Variants in SP100 observed in about 807,000 individuals in gnomAD.
SP100 encodes the protein nuclear autoantigen Sp-100.
Under a neutral mutation model 130.0 loss-of-function variants are expected in SP100, and 84 were observed. That is an observed-to-expected ratio of 0.65 (90% CI 0.54 to 0.77). The LOEUF (loss-of-function observed/expected upper bound fraction) is 0.77. Ranked by LOEUF, SP100 falls within the 30% of genes least tolerant of loss-of-function variation. The pLI is 0.00. For missense variants in SP100, 978 were observed against 1,052.2 expected, an observed-to-expected ratio of 0.93 and a Z score of 0.97; for synonymous variants, 331 against 351.7, an observed-to-expected ratio of 0.94 and a Z score of 0.66.
intron 23 of SP100, chr2:230,510,840 A>T (rs1690536987): frequency 2.2e-6 from 1 of 461,544 alleles, no homozygotes; most frequent in South Asian, 2.3e-5. Flanking sequence ...TTGAAGTAGG[A>T]GGACCGATAG....
rs1235940212 is a variant in SP100, at chr2:230,449,553, T to C, written c.587-8T>C. On this transcript the variant is annotated splice_region_variant and splice_polypyrimidine_tract_variant and intron_variant, in intron 6 of 28. Transcript: ENST00000340126. ...AATAAAATACCTGTGAATCAAACCA[T>C]GGTTTAGGTACAACCCCACCTGAAA... 1 of 1,613,788 alleles carries C rather than the reference T, an allele frequency of 6.2e-7. No homozygotes were observed. The highest frequency in any genetic ancestry group is 8.5e-7 in the Non-Finnish European group (1 of 1,179,896).
In SP100 at chr2:230,504,436, A is replaced by T. The variant is rs1559524876; in HGVS notation, c.1870+146A>T. 12 of 564,980 alleles carry T rather than the reference A, an allele frequency of 2.1e-5. No individual in the cohort carries two copies. The South Asian group carries it at 3.7e-4, about 17-fold the overall frequency. 35.0% of individuals were successfully genotyped at this position (564,980 alleles called of 1,614,324 possible). ...GCTAGGAGCTTTCCTAGGACTTGGGACATCATCACATTTACAGCTAGGGTT... is the reference window on the plus strand; with the variant it reads ...GCTAGGAGCTTTCCTAGGACTTGGGTCATCATCACATTTACAGCTAGGGTT... On this transcript the variant is annotated intron_variant, in intron 21 of 28. Transcript: ENST00000340126.
intron 4 of SP100, 152 bp downstream of exon 4, chr2:230,444,498 A>T (rs1006469034): frequency 3.2e-6 from 2 of 626,310 alleles, no homozygotes; most frequent in Non-Finnish European, 2.7e-6. Context: ...CTCTTAGCTC[A>T]TGGCGTATGG....
At chr2:230,440,852 A>C (rs1288963207) in intron 2 of SP100, among the ~76,000 whole-genome samples, 1 of 152,168 alleles carries the variant, frequency 6.6e-6, no homozygotes, top group Non-Finnish European at 1.5e-5. Context: ...TAGAAAGTAC[A>C]TATATAAACC....
chr2:230,472,113 T>C (rs1013605266), intron 15 of SP100, among the ~76,000 whole-genome samples: 9 of 151,690 alleles, frequency 5.9e-5, no homozygotes, highest in African/African-American at 2.2e-4. Context: ...AAGACAAAGA[T>C]TGAAATTGCA....
chr2:230,506,217 G>A (rs1328721399), intron 21 of SP100, 86 bp from the exon 22 acceptor site: 2 of 1,451,392 alleles, frequency 1.4e-6, no homozygotes, highest in Admixed American at 1.9e-5. Context: ...TAAGCCCAAA[G>A]TGGGTGGCCC....
chr2:230,518,454 CAT>C (rs1190563364), intron 24 of SP100, among the ~76,000 whole-genome samples: 3 of 151,834 alleles, frequency 2.0e-5, no homozygotes, highest in Non-Finnish European at 4.4e-5. Context: ...TTGTCTATCA[CAT>C]GACAGTATCT....
intron 22 of SP100, chr2:230,506,910 G>A (rs1690155602): frequency 6.5e-6 from 1 of 152,746 alleles, no homozygotes; most frequent in South Asian, 2.1e-4. Flanking sequence ...ATTTATTCTT[G>A]TAAGAGAATA....
intron 2 of SP100, among the ~76,000 whole-genome samples, chr2:230,417,956 A>AT (rs760691893): frequency 2.0e-5 from 3 of 152,086 alleles, no homozygotes; most frequent in East Asian, 1.9e-4. Flanking sequence ...TGTGATACAG[A>AT]TTTTTTTAAG....
At chr2:230,470,563 C>A in intron 15 of SP100, 1 of 264,704 alleles carries the variant, frequency 3.8e-6, no homozygotes, top group African/African-American at 2.3e-5. Flanking sequence ...TGTCCTTCAT[C>A]ATGTAATTGG....
At chr2:230,473,241 T>G in intron 15 of SP100, 83 bp from the exon 16 acceptor site, 1 of 818,718 alleles carries the variant, frequency 1.2e-6, no homozygotes, top group Non-Finnish European at 2.1e-6. Flanking sequence ...CTGTGGGGAG[T>G]GGGCAGTCAC....
chr2:230,539,157 T>C (rs529725990), intron 24 of SP100, 110 bp from the exon 25 acceptor site: 5 of 679,778 alleles, frequency 7.4e-6, no homozygotes, highest in Admixed American at 4.3e-5. Context: ...CAATCTTTAA[T>C]ATTTTGAGGA....
chr2:230,498,186 T>C (rs973372546), intron 18 of SP100, among the ~76,000 whole-genome samples: 8 of 152,200 alleles, frequency 5.3e-5, no homozygotes, highest in Non-Finnish European at 8.8e-5. Context: ...ACAGTATTCT[T>C]TGGGATATAA....
intron 22 of SP100, chr2:230,506,657 T>C: frequency 4.4e-6 from 2 of 458,504 alleles, no homozygotes; most frequent in Non-Finnish European, 7.7e-6. Context: ...TTTCTTACCC[T>C]TTTGAAGGTT....
In SP100 at chr2:230,485,348, C is replaced by A. The variant is rs142533510; in HGVS notation, c.1601-9068C>A. On this transcript the variant is annotated intron_variant, in intron 17 of 28. Transcript: ENST00000340126. ...TTATTGTCATTTGCTAAATATCCTG[C>A]AATTTGTATTTGCATTTCCTCTTTG... 4.1e-3 allele frequency among the ~76,000 whole-genome samples: 625 copies of A among 152,152 alleles called. 2 individuals are homozygous for A. The highest frequency in any genetic ancestry group is 0.017 in the Middle Eastern group (5 of 292).
At position 230,433,760 on chromosome 2, in the gene SP100, C is replaced by T. The variant is rs77523359; in HGVS notation, c.108-9177C>T. ...TTGCCTACCTTTATTTTTGAATTTG[C>T]AAACTCGACTTTTAAATTCCTAAGT... On this transcript the variant is annotated intron_variant, in intron 2 of 28. Coordinates refer to ENST00000340126, the MANE Select transcript of SP100 (RefSeq NM_001080391.2). 9.2e-3 allele frequency among the ~76,000 whole-genome samples: 1,400 copies of T among 151,362 alleles called. 6 individuals carry two copies. The highest frequency in any genetic ancestry group is 0.055 in the Middle Eastern group (16 of 290).
chr2:230,478,052 A>G (rs2065655169), intron 17 of SP100, among the ~76,000 whole-genome samples: 1 of 151,946 alleles, frequency 6.6e-6, no homozygotes, highest in South Asian at 2.1e-4. Context: ...ATTTTTTTGT[A>G]CAATTCTGGC....
At chr2:230,489,718 T>C (rs746669304) in intron 17 of SP100, among the ~76,000 whole-genome samples, 1 of 152,210 alleles carries the variant, frequency 6.6e-6, no homozygotes. Flanking sequence ...GTTGTCTTTT[T>C]GTTCTCATTG....
chr2:230,445,722 C>T (rs66824821), intron 4 of SP100, among the ~76,000 whole-genome samples: 7,496 of 152,198 alleles, frequency 0.049, 284 homozygotes, highest in Non-Finnish European at 0.08. Flanking sequence ...GTCCAGGCTG[C>T]GGGGATGAAG....
Sources: gnomAD v4.1 joint callset for allele counts (sites outside exome capture counted in the v4.1 genomes callset) on GRCh38, gnomAD v4.1.1 for gene constraint, MANE v1.5 for transcripts, NCBI Gene and HGNC (gene_info 2026-07-23, HGNC 2026-07-21) for gene names.